TAFA2: variants seen among roughly 807,000 people sequenced by gnomAD.
TAFA2 encodes the protein TAFA chemokine like family member 2.
TAFA2 carries 7 observed loss-of-function variants against 18.8 expected under a neutral mutation model. The ratio of observed to expected loss-of-function variants is 0.37; its 90% CI spans 0.21 to 0.70. The LOEUF is 0.70. Among genes scored for constraint, TAFA2 ranks in the 30% least tolerant of loss-of-function variants. TAFA2 has a pLI of 0.53. For missense variants in TAFA2, 122 were observed against 158.1 expected, an observed-to-expected ratio of 0.77 and a Z score of 1.23; for synonymous variants, 60 against 54.2, an observed-to-expected ratio of 1.11 and a Z score of -0.47.
At chr12:62,194,816 TA>T (rs1354159364), upstream of TAFA2, among the ~76,000 whole-genome samples, 5 of 152,196 alleles carry the variant, frequency 3.3e-5, no homozygotes, top group Non-Finnish European at 7.4e-5. Flanking sequence ...AATATTGCAA[TA>T]AAGTGAGTCA....
intron 1 of TAFA2, among the ~76,000 whole-genome samples, chr12:62,035,891 G>A (rs1881595346): frequency 2.6e-5 from 4 of 151,378 alleles, no homozygotes; most frequent in Admixed American, 2.6e-4. Context: ...ACAGGCGCGC[G>A]CCACCATGCC....
At chr12:62,230,938 AG>A (rs763279423) in intron 1 of TAFA2, among the ~76,000 whole-genome samples, 10 of 152,198 alleles carry the variant, frequency 6.6e-5, no homozygotes, top group African/African-American at 2.2e-4. Context: ...GGCCTCCCAA[AG>A]TGCTGGGATT....
chr12:62,164,145 A>G (rs1336761685), intron 1 of TAFA2, among the ~76,000 whole-genome samples: 2 of 152,066 alleles, frequency 1.3e-5, no homozygotes, highest in Non-Finnish European at 2.9e-5. Context: ...TGCTTATGCC[A>G]TGAATCCTTC....
At chr12:62,131,623 G>A (rs185955445) in intron 1 of TAFA2, among the ~76,000 whole-genome samples, 125 of 151,696 alleles carry the variant, frequency 8.2e-4, no homozygotes, top group African/African-American at 2.8e-3. Context: ...ATAGAAACAC[G>A]ATTTAAAAAA....
At chr12:61,722,912 C>T (rs567927630) in intron 4 of TAFA2, among the ~76,000 whole-genome samples, 1 of 152,238 alleles carries the variant, frequency 6.6e-6, no homozygotes, top group East Asian at 1.9e-4. Context: ...ATCTATAATA[C>T]TATCCTATTA....
At chr12:62,070,608 G>C (rs1212342396) in intron 1 of TAFA2, 1 of 152,150 alleles carries the variant, frequency 6.6e-6, no homozygotes, top group East Asian at 1.9e-4. Flanking sequence ...TGAGTTCAGA[G>C]TGATCTGATA....
intron 2 of TAFA2, among the ~76,000 whole-genome samples, chr12:61,811,292 T>C (rs1194896183): frequency 6.6e-6 from 1 of 151,308 alleles, no homozygotes; most frequent in Non-Finnish European, 1.5e-5. Flanking sequence ...TTGAAGAATA[T>C]AAAGCACAGA....
At chr12:61,928,813 C>T (rs1877421424) in intron 1 of TAFA2, among the ~76,000 whole-genome samples, 1 of 152,084 alleles carries the variant, frequency 6.6e-6, no homozygotes, top group Non-Finnish European at 1.5e-5. Context: ...GACACATATA[C>T]ACCATAGAAT....
rs567360872 is a variant in TAFA2, at chr12:61,812,061, T to G, written c.106+55259A>C. On this transcript the variant is annotated intron_variant, in intron 2 of 4. Transcript: ENST00000416284. ...TGTGATTAATGATAGTGAGAAGGCC[T>G]ACTCAAAAATCTCATGGGGCCAAAA... is the stretch of plus-strand genomic sequence containing the variant. 1.7e-4 allele frequency among the ~76,000 whole-genome samples: 26 copies of G among 151,434 alleles called. 1 individual carries two copies. The South Asian group carries it at 5.0e-3, about 29-fold the overall frequency.
At chr12:61,879,441 G>C (rs191821355) in intron 1 of TAFA2, 1 of 698,304 alleles carries the variant, frequency 1.4e-6, no homozygotes, top group Non-Finnish European at 2.6e-6. Context: ...TCTCCCGAGT[G>C]GGCAGCAGCA....
At chr12:61,834,300 C>T (rs1161517033) in intron 2 of TAFA2, among the ~76,000 whole-genome samples, 2 of 152,028 alleles carry the variant, frequency 1.3e-5, no homozygotes, top group African/African-American at 4.8e-5. Flanking sequence ...AAAAATCTGG[C>T]CGCATAAGCA....
At chr12:61,912,923 T>C (rs1472106499) in intron 1 of TAFA2, among the ~76,000 whole-genome samples, 1 of 152,180 alleles carries the variant, frequency 6.6e-6, no homozygotes. Context: ...CCTCTAGGTC[T>C]GGGTCATAGA....
chr12:62,052,730 C>T (rs914861294), intron 1 of TAFA2, among the ~76,000 whole-genome samples: 22 of 151,788 alleles, frequency 1.4e-4, no homozygotes, highest in Admixed American at 4.6e-4. Context: ...GGGTCTGAGC[C>T]GCAGCATAAA....
At position 62,054,228 on chromosome 12, in the gene TAFA2, G is replaced by A. The variant is rs11174287; in HGVS notation, c.-2+137031C>T. Among the ~76,000 whole-genome samples the A allele has an allele frequency of 2.7e-3, 415 of 152,328 alleles. 11 individuals carry two copies. The East Asian group carries it at 0.058, about 21-fold the overall frequency. On this transcript the variant is annotated intron_variant, in intron 1 of 4. Transcript: ENST00000416284. ...GTAACAGATTCTATGGTTAGCAACT[G>A]TAACTTAAATACAGAAAGCCTGTCT... is the stretch of plus-strand genomic sequence containing the variant.
intron 2 of TAFA2, among the ~76,000 whole-genome samples, chr12:61,775,708 T>C (rs1368140651): frequency 2.0e-5 from 3 of 151,896 alleles, no homozygotes; most frequent in African/African-American, 7.2e-5. Flanking sequence ...TAATAGTGGA[T>C]ACATGTCATT....
chr12:61,771,197 C>T (rs1477319099), intron 2 of TAFA2, among the ~76,000 whole-genome samples: 1 of 151,958 alleles, frequency 6.6e-6, no homozygotes, highest in Non-Finnish European at 1.5e-5. Flanking sequence ...ATGAAACTAT[C>T]ATAATCCTAA....
At chr12:61,812,503 G>A (rs1871913376) in intron 2 of TAFA2, among the ~76,000 whole-genome samples, 1 of 151,130 alleles carries the variant, frequency 6.6e-6, no homozygotes, top group South Asian at 2.1e-4. Flanking sequence ...TAGTGACCTA[G>A]GACAACCTAA....
At chr12:62,116,433 C>G (rs930452528) in intron 1 of TAFA2, among the ~76,000 whole-genome samples, 1 of 152,196 alleles carries the variant, frequency 6.6e-6, no homozygotes, top group African/African-American at 2.4e-5. Context: ...TGCCATTAAA[C>G]TGCTCTCATG....
chr12:61,772,828 C>T (rs1455677400), intron 2 of TAFA2, among the ~76,000 whole-genome samples: 1 of 151,892 alleles, frequency 6.6e-6, no homozygotes, highest in Non-Finnish European at 1.5e-5. Flanking sequence ...TTCACCACTT[C>T]TATTCAACAT....
Sources: allele counts gnomAD v4.1 joint callset (sites outside exome capture counted in the v4.1 genomes callset), GRCh38; gene constraint gnomAD v4.1.1; transcripts MANE v1.5; gene names NCBI Gene and HGNC (gene_info 2026-07-23, HGNC 2026-07-21).